The following CCSER1 variants were observed in gnomAD, a reference collection of about 807,000 sequenced individuals.
CCSER1 encodes the protein serine-rich coiled-coil domain-containing protein 1.
In CCSER1, 41 loss-of-function variants were observed where a neutral mutation model predicts 82.0. The ratio of observed to expected loss-of-function variants is 0.50; its 90% CI spans 0.39 to 0.65. The LOEUF (loss-of-function observed/expected upper bound fraction) is 0.65. CCSER1 is among the 30% of genes least tolerant of loss of function. The pLI, the probability that CCSER1 is intolerant of heterozygous loss-of-function variation, is 0.00. For synonymous variants in CCSER1, 414 were observed against 383.9 expected (o/e 1.08, Z -0.92); for missense variants, 1,119 against 1,064.2 (o/e 1.05, Z -0.72).
intron 1 of CCSER1, among the ~76,000 whole-genome samples, chr4:90,186,906 G>A (rs1041547357): frequency 6.6e-6 from 1 of 151,854 alleles, no homozygotes; most frequent in African/African-American, 2.4e-5. Flanking sequence ...AAGTGTACAA[G>A]TTGAGCATCT....
At chr4:90,505,488 T>A (rs1052655103) in intron 5 of CCSER1, among the ~76,000 whole-genome samples, 6 of 152,160 alleles carry the variant, frequency 3.9e-5, no homozygotes, top group African/African-American at 2.4e-5. Context: ...TTGGGGGATG[T>A]CTCCATTGTC....
intron 1 of CCSER1, among the ~76,000 whole-genome samples, chr4:90,273,871 A>G (rs1308878701): frequency 6.6e-6 from 1 of 152,202 alleles, no homozygotes; most frequent in Admixed American, 6.5e-5. Flanking sequence ...CATTCTTTCA[A>G]GTGGTTACGT....
rs1189274196 is a variant in CCSER1 at position 90,764,691 on chromosome 4, ATAG to A, written c.2010+40701_2010+40703del. The stretch of plus-strand genomic sequence containing the variant: ...TTTGCAACTCAGGCAATTATAAGAT[ATAG>A]GACATTTTAAAGACTAATGAAGAAA... On this transcript the variant is annotated intron_variant, in intron 7 of 10. Coordinates refer to ENST00000509176, the MANE Select transcript of CCSER1 (RefSeq NM_001145065.2). Among the ~76,000 whole-genome samples the A allele has an allele frequency of 3.9e-5, 6 of 152,286 alleles. No homozygotes were observed. The East Asian group carries it at 1.2e-3, about 29-fold the overall frequency.
chr4:90,300,585 G>A (rs932041762), intron 1 of CCSER1, among the ~76,000 whole-genome samples: 1 of 152,098 alleles, frequency 6.6e-6, no homozygotes, highest in African/African-American at 2.4e-5. Context: ...ATGAGACCAG[G>A]TGTCATGTCA....
At chr4:91,268,639 G>A (rs566116420) in intron 10 of CCSER1, among the ~76,000 whole-genome samples, 28 of 152,260 alleles carry the variant, frequency 1.8e-4, no homozygotes, top group African/African-American at 6.7e-4. Context: ...GGCTGAGTCC[G>A]TAAAGACAGT....
At chr4:91,585,750 GA>G in intron 10 of CCSER1, among the ~76,000 whole-genome samples, 1 of 151,494 alleles carries the variant, frequency 6.6e-6, no homozygotes, top group South Asian at 2.1e-4. Flanking sequence ...TCATGTTTAA[GA>G]AACTCAAAGA....
intron 4 of CCSER1, among the ~76,000 whole-genome samples, chr4:90,432,686 A>G (rs574139163): frequency 6.6e-6 from 1 of 151,818 alleles, no homozygotes; most frequent in Non-Finnish European, 1.5e-5. Context: ...AAATCCCACA[A>G]TCAATCAATC....
intron 10 of CCSER1, among the ~76,000 whole-genome samples, chr4:91,387,901 C>T (rs1751401086): frequency 6.6e-6 from 1 of 151,948 alleles, no homozygotes; most frequent in African/African-American, 2.4e-5. Context: ...CTATTGTTTT[C>T]TATAGGACTT....
At chr4:90,261,742 A>C (rs923617201) in intron 1 of CCSER1, among the ~76,000 whole-genome samples, 2 of 152,098 alleles carry the variant, frequency 1.3e-5, no homozygotes, top group African/African-American at 4.8e-5. Context: ...AATTATTCTT[A>C]GGTTTGGCCA....
chr4:91,262,132 G>C (rs1411289083), intron 10 of CCSER1, among the ~76,000 whole-genome samples: 1 of 152,088 alleles, frequency 6.6e-6, no homozygotes, highest in Non-Finnish European at 1.5e-5. Flanking sequence ...ACAGTGTGTG[G>C]TGAAGAACAA....
At chr4:90,939,164 G>T (rs901822109) in intron 9 of CCSER1, among the ~76,000 whole-genome samples, 2 of 151,906 alleles carry the variant, frequency 1.3e-5, no homozygotes, top group African/African-American at 2.4e-5. Flanking sequence ...ATCTTAGTAG[G>T]ACATTTCCTA....
intron 10 of CCSER1, among the ~76,000 whole-genome samples, chr4:91,215,652 C>A (rs572877044): frequency 2.0e-5 from 3 of 152,276 alleles, no homozygotes; most frequent in South Asian, 2.1e-4. Flanking sequence ...TGGTGCCACG[C>A]AGATTTGAGG....
chr4:90,246,548 G>C (rs571006416), intron 1 of CCSER1, among the ~76,000 whole-genome samples: 1 of 152,096 alleles, frequency 6.6e-6, no homozygotes, highest in African/African-American at 2.4e-5. Flanking sequence ...TTTTTCTCCT[G>C]TTCTCAGTAA....
rs181868824 is a variant in CCSER1, at chr4:90,604,540, T to C, written c.1725-23485T>C. On this transcript the variant is annotated intron_variant, in intron 5 of 10. Coordinates refer to ENST00000509176, the MANE Select transcript of CCSER1 (RefSeq NM_001145065.2). ...GATAATATATGCAATGTGCTTAGCA[T>C]ATTGTTACAGCATTAATTATGTATA... Among the ~76,000 whole-genome samples, 12 of 152,340 alleles carry C rather than the reference T, an allele frequency of 7.9e-5. No homozygotes were observed. In the East Asian group the frequency reaches 2.3e-3, roughly 29 times the overall value.
intron 1 of CCSER1, among the ~76,000 whole-genome samples, chr4:90,286,996 A>T (rs1460415304): frequency 6.6e-6 from 1 of 151,944 alleles, no homozygotes; most frequent in Non-Finnish European, 1.5e-5. Context: ...CATTTGCCTC[A>T]GGTTGCTGCA....
intron 1 of CCSER1, among the ~76,000 whole-genome samples, chr4:90,226,804 C>A (rs1302900311): frequency 6.6e-6 from 1 of 152,176 alleles, no homozygotes; most frequent in African/African-American, 2.4e-5. Context: ...GGCTCCCAAA[C>A]CTTTAGAATC....
intron 3 of CCSER1, chr4:90,325,653 T>C (rs1409892761): frequency 6.7e-6 from 3 of 450,478 alleles, no homozygotes; most frequent in South Asian, 1.6e-5. Flanking sequence ...CAGCACAGAA[T>C]TGACCTTCAG....
At chr4:90,685,740 C>T (rs2149203743) in intron 6 of CCSER1, among the ~76,000 whole-genome samples, 1 of 152,294 alleles carries the variant, frequency 6.6e-6, no homozygotes, top group East Asian at 1.9e-4. Context: ...CTTACATGAA[C>T]ACTCTTACTC....
intron 6 of CCSER1, among the ~76,000 whole-genome samples, chr4:90,666,949 A>C (rs1731900331): frequency 6.6e-6 from 1 of 152,216 alleles, no homozygotes. Flanking sequence ...CAAAGAAAAT[A>C]ATAACTCTAA....
Sources: gnomAD v4.1 joint callset for allele counts (sites outside exome capture counted in the v4.1 genomes callset) on GRCh38, gnomAD v4.1.1 for gene constraint, MANE v1.5 for transcripts, NCBI Gene and HGNC (gene_info 2026-07-23, HGNC 2026-07-21) for gene names.